Variants in SPAG16 observed in about 807,000 individuals in gnomAD.
The protein encoded by SPAG16 is sperm associated antigen 16.
In SPAG16, 86 loss-of-function variants were observed where a neutral mutation model predicts 80.4. The ratio of observed to expected loss-of-function variants is 1.07; its 90% CI spans 0.90 to 1.28. SPAG16 has a LOEUF of 1.28. Ranked by LOEUF, SPAG16 falls within the 50% of genes most tolerant of loss-of-function variation. SPAG16 has a pLI of 0.00. For missense variants in SPAG16, 870 were observed against 765.3 expected, an observed-to-expected ratio of 1.14 and a Z score of -1.61; for synonymous variants, 294 against 265.9, an observed-to-expected ratio of 1.11 and a Z score of -1.03.
At chr2:213,782,976 C>A (rs1397439490) in intron 10 of SPAG16, among the ~76,000 whole-genome samples, 1 of 151,792 alleles carries the variant, frequency 6.6e-6, no homozygotes, top group Non-Finnish European at 1.5e-5. Flanking sequence ...ATACATGTGC[C>A]ATGCTGGTGC....
chr2:213,512,282 T>C (rs1191890869), intron 10 of SPAG16, among the ~76,000 whole-genome samples: 1 of 152,166 alleles, frequency 6.6e-6, no homozygotes, highest in Admixed American at 6.5e-5. Flanking sequence ...TTTTCTGTAG[T>C]ATGATAAAGT....
chr2:213,753,496 T>G (rs2068179907), intron 10 of SPAG16, among the ~76,000 whole-genome samples: 1 of 152,232 alleles, frequency 6.6e-6, no homozygotes. Context: ...TGAATTATTA[T>G]ATGTCATGTA....
At chr2:213,371,861 C>T (rs1289801133) in intron 8 of SPAG16, among the ~76,000 whole-genome samples, 1 of 152,044 alleles carries the variant, frequency 6.6e-6, no homozygotes, top group African/African-American at 2.4e-5. Context: ...TAAAGAATCA[C>T]CCCGTAATTG....
intron 15 of SPAG16, among the ~76,000 whole-genome samples, chr2:214,259,724 G>A (rs1014809856): frequency 1.5e-4 from 22 of 151,534 alleles, no homozygotes; most frequent in Admixed American, 2.6e-4. Flanking sequence ...TTTTGTTTTC[G>A]TCTGTATTCC....
chr2:213,438,222 G>A (rs1248441074), intron 9 of SPAG16, among the ~76,000 whole-genome samples: 2 of 152,152 alleles, frequency 1.3e-5, no homozygotes, highest in Non-Finnish European at 2.9e-5. Flanking sequence ...CAGAAAAAGT[G>A]GTAACCTATT....
chr2:213,299,239 CA>C (rs893367045), intron 3 of SPAG16, among the ~76,000 whole-genome samples: 1 of 150,802 alleles, frequency 6.6e-6, no homozygotes, highest in African/African-American at 2.4e-5. Context: ...AAAATATTAA[CA>C]AAAAATGACT....
intron 5 of SPAG16, among the ~76,000 whole-genome samples, chr2:213,321,518 G>A (rs199531572): frequency 6.6e-6 from 1 of 152,032 alleles, no homozygotes; most frequent in Admixed American, 6.6e-5. Context: ...TCTAAATGCT[G>A]TCATCTCTAA....
chr2:214,087,536 TAATA>T (rs1479789592), intron 13 of SPAG16, among the ~76,000 whole-genome samples: 1 of 152,124 alleles, frequency 6.6e-6, no homozygotes, highest in African/African-American at 2.4e-5. Flanking sequence ...TGTCACATGA[TAATA>T]AATGTAAATC....
intron 10 of SPAG16, among the ~76,000 whole-genome samples, chr2:213,843,292 A>G (rs753988948): frequency 6.6e-6 from 1 of 152,194 alleles, no homozygotes; most frequent in Non-Finnish European, 1.5e-5. Context: ...TGTTTCATAT[A>G]GTTTGAGAAA....
intron 13 of SPAG16, among the ~76,000 whole-genome samples, chr2:214,054,701 T>C (rs1411189915): frequency 6.6e-6 from 1 of 152,198 alleles, no homozygotes; most frequent in Non-Finnish European, 1.5e-5. Flanking sequence ...AATCAAAATG[T>C]ATTTGTGTTC....
At chr2:213,974,499 G>A (rs982172642) in intron 12 of SPAG16, among the ~76,000 whole-genome samples, 2 of 151,768 alleles carry the variant, frequency 1.3e-5, no homozygotes, top group Non-Finnish European at 2.9e-5. Flanking sequence ...GTTAAATTTA[G>A]CTTCAGAGTA....
intron 13 of SPAG16, among the ~76,000 whole-genome samples, chr2:214,092,343 A>G (rs2052272482): frequency 6.6e-6 from 1 of 152,076 alleles, no homozygotes; most frequent in African/African-American, 2.4e-5. Context: ...TCTTCCCCAC[A>G]TGACTGCCAA....
At chr2:213,653,157 C>G (rs909507225) in intron 10 of SPAG16, among the ~76,000 whole-genome samples, 2 of 152,102 alleles carry the variant, frequency 1.3e-5, no homozygotes, top group Admixed American at 6.5e-5. Flanking sequence ...GTTTCAAACA[C>G]CATTCTAAAT....
chr2:214,347,944 T>C (rs1054789122), intron 15 of SPAG16, among the ~76,000 whole-genome samples: 2 of 152,182 alleles, frequency 1.3e-5, no homozygotes, highest in African/African-American at 4.8e-5. Context: ...CCAAGATTCA[T>C]GGAGAATCAT....
intron 10 of SPAG16, among the ~76,000 whole-genome samples, chr2:213,658,852 A>G (rs2063318282): frequency 6.6e-6 from 1 of 152,224 alleles, no homozygotes; most frequent in Non-Finnish European, 1.5e-5. Flanking sequence ...CCTGGCCAAC[A>G]TGGTGAAACC....
At chr2:213,477,017 C>T (rs1014343696) in intron 9 of SPAG16, among the ~76,000 whole-genome samples, 10 of 152,040 alleles carry the variant, frequency 6.6e-5, no homozygotes, top group African/African-American at 1.4e-4. Flanking sequence ...GAAGCTGAGT[C>T]GGGTTTTTAT....
At chr2:214,389,472 C>T (rs972983893) in intron 15 of SPAG16, among the ~76,000 whole-genome samples, 241 of 152,258 alleles carry the variant, frequency 1.6e-3, no homozygotes, top group African/African-American at 5.5e-3. Context: ...AAGCAGATAC[C>T]TTTCTCTTAG....
chr2:213,593,160 GAAGT>G (rs2060765959), intron 10 of SPAG16, among the ~76,000 whole-genome samples: 1 of 152,090 alleles, frequency 6.6e-6, no homozygotes, highest in East Asian at 1.9e-4. Context: ...AGCTGCCTGA[GAAGT>G]AAGAAAAACC....
At chr2:214,143,952 G>C (rs1380914781) in intron 14 of SPAG16, among the ~76,000 whole-genome samples, 1 of 152,028 alleles carries the variant, frequency 6.6e-6, no homozygotes, top group Non-Finnish European at 1.5e-5. Flanking sequence ...GAGGCCACAG[G>C]TTTGAGACCA....
Sources: allele counts gnomAD v4.1 joint callset (sites outside exome capture counted in the v4.1 genomes callset), GRCh38; gene constraint gnomAD v4.1.1; transcripts MANE v1.5; gene names NCBI Gene and HGNC (gene_info 2026-07-23, HGNC 2026-07-21).